The following TES variants were observed in gnomAD, a reference collection of about 807,000 sequenced individuals.
TES encodes testin.
TES carries 41 observed loss-of-function variants against 48.2 expected under a neutral mutation model. That is an observed-to-expected ratio of 0.85 (90% confidence interval 0.66 to 1.10). TES has a LOEUF of 1.10. Among genes scored for constraint, TES ranks in the 50% least tolerant of loss-of-function variants. TES has a pLI of 0.00. For synonymous variants in TES, 162 were observed against 174.9 expected (o/e 0.93, Z 0.58); for missense variants, 463 against 515.1 (o/e 0.90, Z 0.98).
chr7:116,247,941 T>C (rs373151258), intron 2 of TES, among the ~76,000 whole-genome samples: 42 of 152,146 alleles, frequency 2.8e-4, no homozygotes, highest in African/African-American at 9.4e-4. Context: ...TACCTGAGAG[T>C]TAGCTTTTCA....
chr7:116,237,586 A>T (rs371223733), intron 2 of TES, among the ~76,000 whole-genome samples: 57 of 152,040 alleles, frequency 3.7e-4, no homozygotes, highest in African/African-American at 1.3e-3. Context: ...ACCTCCCACC[A>T]CTAGGAAACA....
chr7:116,243,224 A>G (rs2116613388), intron 2 of TES, among the ~76,000 whole-genome samples: 1 of 152,260 alleles, frequency 6.6e-6, no homozygotes, highest in African/African-American at 2.4e-5. Flanking sequence ...AATTGTATCT[A>G]ATGTTAATCC....
chr7:116,249,862 G>C, intron 3 of TES: 1 of 239,970 alleles, frequency 4.2e-6, no homozygotes, highest in Non-Finnish European at 7.9e-6. Flanking sequence ...CTGCCTAAAA[G>C]TTTATGTTTT....
chr7:116,212,267 G>A (rs1799447437), intron 1 of TES, among the ~76,000 whole-genome samples: 1 of 152,192 alleles, frequency 6.6e-6, no homozygotes, highest in South Asian at 2.1e-4. Flanking sequence ...ATGAACAGGT[G>A]AAGCACAGGA....
intron 2 of TES, among the ~76,000 whole-genome samples, chr7:116,236,319 C>G (rs1015172346): frequency 6.6e-6 from 1 of 152,142 alleles, no homozygotes; most frequent in Non-Finnish European, 1.5e-5. Flanking sequence ...CACGATGCCA[C>G]AAGTGGAAAA....
chr7:116,217,358 T>G (rs1438716505), intron 1 of TES, among the ~76,000 whole-genome samples: 3 of 152,124 alleles, frequency 2.0e-5, no homozygotes, highest in Non-Finnish European at 2.9e-5. Context: ...ACAAATAGAC[T>G]TACACCTATA....
intron 1 of TES, among the ~76,000 whole-genome samples, chr7:116,223,409 G>T (rs1407100233): frequency 6.6e-6 from 1 of 152,110 alleles, no homozygotes; most frequent in Non-Finnish European, 1.5e-5. Context: ...AAAAGTTTAT[G>T]TAAATCTTTT....
chr7:116,252,654 A>G (rs541611558), intron 6 of TES, 178 bp downstream of exon 6: 25 of 748,014 alleles, frequency 3.3e-5, no homozygotes, highest in Non-Finnish European at 5.0e-5. Flanking sequence ...TGCATTGACT[A>G]TGAGCCACCT....
intron 1 of TES, among the ~76,000 whole-genome samples, chr7:116,214,772 T>A (rs542704150): frequency 6.6e-6 from 1 of 152,156 alleles, no homozygotes; most frequent in Non-Finnish European, 1.5e-5. Context: ...ACTCACCCTA[T>A]GACTTTGCTT....
At chr7:116,215,155 G>A (rs111501582) in intron 1 of TES, among the ~76,000 whole-genome samples, 365 of 152,244 alleles carry the variant, frequency 2.4e-3, no homozygotes, top group African/African-American at 8.6e-3. Context: ...AGCGTAATCT[G>A]AAACCTTACT....
chr7:116,239,365 G>A (rs1584621424), intron 2 of TES: 1 of 152,150 alleles, frequency 6.6e-6, no homozygotes, highest in Non-Finnish European at 1.5e-5. Flanking sequence ...GTAACACCAG[G>A]GGACAGAAGT....
Position 116,226,944 on chromosome 7 carries a change from G to A in TES, c.28-7590G>A, listed in dbSNP as rs183864076. Among the ~76,000 whole-genome samples the A allele has an allele frequency of 1.2e-4, 19 of 152,266 alleles. No homozygotes were observed. In the East Asian group the frequency reaches 1.7e-3, roughly 14 times the overall value. ...TTTTTATTAGCAAAGAAAGAGAAAT[G>A]TAGCAGATTTATTAAGAATGACTAA... On this transcript the variant is annotated intron_variant, in intron 1 of 6. Transcript: ENST00000358204.
intron 1 of TES, chr7:116,217,782 T>G (rs1799510885): frequency 5.8e-6 from 3 of 518,352 alleles, no homozygotes; most frequent in Non-Finnish European, 1.2e-5. Context: ...TTAGAGGTTA[T>G]GCTTTTCAAC....
At chr7:116,230,141 GGTGT>G (rs1465102458) in intron 1 of TES, among the ~76,000 whole-genome samples, 1 of 152,220 alleles carries the variant, frequency 6.6e-6, no homozygotes, top group Admixed American at 6.5e-5. Flanking sequence ...GTTTGTGTTT[GGTGT>G]GTGTGTTTGT....
Position 116,250,154 on chromosome 7 carries a change from G to A in TES, c.367-7G>A. 1 of 1,503,140 alleles carries A rather than the reference G, an allele frequency of 6.7e-7. No homozygotes were observed. The highest frequency in any genetic ancestry group is 8.9e-7 in the Non-Finnish European group (1 of 1,128,088). 93.1% of individuals were successfully genotyped at this position (1,503,140 alleles called of 1,614,324 possible). On this transcript the variant is annotated splice_polypyrimidine_tract_variant and splice_region_variant and intron_variant, in intron 3 of 6. Transcript: ENST00000358204. ...TCCCAGTTAACATTGGCCTCCTTGT[G>A]GTTCAGGCCAGGCAGTACATGCAGA...
At chr7:116,230,455 C>T (rs539589686) in intron 1 of TES, among the ~76,000 whole-genome samples, 2 of 152,204 alleles carry the variant, frequency 1.3e-5, no homozygotes, top group African/African-American at 2.4e-5. Context: ...TTTTCCAGAG[C>T]GGCCTACAGA....
intron 4 of TES, 163 bp from the exon 5 acceptor site, chr7:116,251,597 G>T (rs372578328): frequency 1.4e-5 from 9 of 653,944 alleles, no homozygotes; most frequent in African/African-American, 1.1e-4. Context: ...GCAGGAGAAC[G>T]GCGTGAACCC....
At chr7:116,253,071 G>A (rs1013703011) in intron 6 of TES, among the ~76,000 whole-genome samples, 2 of 152,130 alleles carry the variant, frequency 1.3e-5, no homozygotes, top group Admixed American at 1.3e-4. Context: ...GCCAAGTGAT[G>A]GTAATGTAGA....
At chr7:116,248,916 A>T in intron 2 of TES, 104 bp from the exon 3 acceptor site, 2 of 1,211,424 alleles carry the variant, frequency 1.7e-6, no homozygotes, top group Non-Finnish European at 2.2e-6. Flanking sequence ...TTTGCATACC[A>T]TGATATAGAA....
Sources: allele counts gnomAD v4.1 joint callset (sites outside exome capture counted in the v4.1 genomes callset), GRCh38; gene constraint gnomAD v4.1.1; transcripts MANE v1.5; gene names NCBI Gene and HGNC (gene_info 2026-07-23, HGNC 2026-07-21).